The following MACROD2 variants were observed in gnomAD, a reference collection of about 807,000 sequenced individuals.
MACROD2 encodes the protein mono-ADP ribosylhydrolase 2.
A neutral mutation model predicts 70.4 loss-of-function variants in MACROD2; 36 were observed. The ratio of observed to expected loss-of-function variants is 0.51; its 90% CI spans 0.39 to 0.68. The LOEUF is 0.68. Ranked by LOEUF, MACROD2 falls within the 30% of genes least tolerant of loss-of-function variation. MACROD2 has a pLI of 0.00. For missense variants in MACROD2, 496 were observed against 538.4 expected (o/e 0.92, Z 0.78); for synonymous variants, 172 against 178.8 (o/e 0.96, Z 0.30).
chr20:15,450,123 TG>T (rs1196617368), intron 7 of MACROD2, among the ~76,000 whole-genome samples: 1 of 152,174 alleles, frequency 6.6e-6, no homozygotes, highest in Non-Finnish European at 1.5e-5. Context: ...TATACCTGTA[TG>T]TCTATACAAG....
intron 8 of MACROD2, among the ~76,000 whole-genome samples, chr20:15,643,894 C>T (rs6034241): frequency 0.088 from 13,372 of 152,168 alleles, 850 homozygotes; most frequent in East Asian, 0.16. Flanking sequence ...ACCATCCTCA[C>T]GGTCTTAAGA....
At chr20:14,407,856 T>C (rs2083708153) in intron 3 of MACROD2, among the ~76,000 whole-genome samples, 1 of 152,224 alleles carries the variant, frequency 6.6e-6, no homozygotes, top group Non-Finnish European at 1.5e-5. Flanking sequence ...TTGCTCTTTC[T>C]TCACATTTCT....
At chr20:14,489,054 A>G (rs1319089709) in intron 3 of MACROD2, among the ~76,000 whole-genome samples, 1 of 152,234 alleles carries the variant, frequency 6.6e-6, no homozygotes, top group Non-Finnish European at 1.5e-5. Context: ...TACAAACAAC[A>G]CAGATACTGG....
At chr20:14,302,249 T>C (rs1053976538) in intron 3 of MACROD2, among the ~76,000 whole-genome samples, 8 of 152,288 alleles carry the variant, frequency 5.3e-5, no homozygotes, top group Admixed American at 3.3e-4. Flanking sequence ...TTCCTTGTGG[T>C]TGTTGGACTG....
chr20:14,629,257 G>A (rs1368368220), intron 4 of MACROD2, among the ~76,000 whole-genome samples: 2 of 152,150 alleles, frequency 1.3e-5, no homozygotes, highest in East Asian at 3.8e-4. Flanking sequence ...GGTTAGTTAA[G>A]TAAGAAATGC....
chr20:14,072,803 G>A (rs760672244), intron 2 of MACROD2, among the ~76,000 whole-genome samples: 4 of 151,830 alleles, frequency 2.6e-5, no homozygotes, highest in African/African-American at 7.3e-5. Flanking sequence ...GCGTGGTGGC[G>A]GACGCCTATA....
rs547120171 is a variant in MACROD2, at chr20:15,523,098, G to A, written c.645+23251G>A. 2.4e-4 allele frequency among the ~76,000 whole-genome samples: 36 copies of A among 152,148 alleles called. No homozygotes were observed. The South Asian group carries it at 6.3e-3, about 26-fold the overall frequency. The stretch of plus-strand genomic sequence containing the variant: ...AAACTGGATCATTTGGGAGAGAAGC[G>A]CAACAAAACCAGCCATCTATGGCAG... On this transcript the variant is annotated intron_variant, in intron 8 of 17. Coordinates refer to ENST00000684519, the MANE Select transcript of MACROD2 (RefSeq NM_001351661.2).
intron 8 of MACROD2, among the ~76,000 whole-genome samples, chr20:15,715,753 G>A (rs1415982518): frequency 6.6e-6 from 1 of 152,096 alleles, no homozygotes; most frequent in Admixed American, 6.6e-5. Flanking sequence ...TAATTGGAAC[G>A]AGTACAATGT....
intron 6 of MACROD2, among the ~76,000 whole-genome samples, chr20:15,398,295 A>AT (rs995581250): frequency 6.6e-6 from 1 of 152,148 alleles, no homozygotes; most frequent in Non-Finnish European, 1.5e-5. Context: ...CATTCTCTTG[A>AT]TTTTTTATAG....
At chr20:15,703,484 A>G (rs111929885) in intron 8 of MACROD2, among the ~76,000 whole-genome samples, 3 of 152,310 alleles carry the variant, frequency 2.0e-5, no homozygotes, top group African/African-American at 7.2e-5. Context: ...TAAACTCTCC[A>G]CTAAAGCCAC....
intron 4 of MACROD2, among the ~76,000 whole-genome samples, chr20:14,587,068 A>C (rs1463030000): frequency 6.6e-6 from 1 of 151,958 alleles, no homozygotes; most frequent in Non-Finnish European, 1.5e-5. Context: ...ATTATTCACT[A>C]ACAACACAGG....
At chr20:14,826,530 C>CTAATAGTCTA (rs2072904775) in intron 5 of MACROD2, among the ~76,000 whole-genome samples, 1 of 152,004 alleles carries the variant, frequency 6.6e-6, no homozygotes, top group Non-Finnish European at 1.5e-5. Flanking sequence ...ACTCCAGACC[C>CTAATAGTCTA]TAATAGTCTA....
chr20:14,236,547 A>T (rs2081873689), intron 3 of MACROD2, among the ~76,000 whole-genome samples: 1 of 152,152 alleles, frequency 6.6e-6, no homozygotes, highest in South Asian at 2.1e-4. Flanking sequence ...TGAAAGAATC[A>T]AATTAACAAA....
chr20:14,982,878 T>A (rs992187659), intron 5 of MACROD2, among the ~76,000 whole-genome samples: 1 of 152,018 alleles, frequency 6.6e-6, no homozygotes, highest in African/African-American at 2.4e-5. Flanking sequence ...GAGAAGAGGA[T>A]CACTATCCTC....
chr20:14,316,397 T>G (rs911774628), intron 3 of MACROD2, among the ~76,000 whole-genome samples: 3 of 152,156 alleles, frequency 2.0e-5, no homozygotes, highest in South Asian at 2.1e-4. Context: ...AAATAATCTT[T>G]TTTTCTTGAC....
At chr20:15,297,441 A>T (rs2077600852) in intron 6 of MACROD2, among the ~76,000 whole-genome samples, 1 of 152,192 alleles carries the variant, frequency 6.6e-6, no homozygotes, top group African/African-American at 2.4e-5. Context: ...GATCACAAAA[A>T]TCAATAGAGA....
At chr20:14,963,713 A>G (rs1391889789) in intron 5 of MACROD2, among the ~76,000 whole-genome samples, 1 of 152,212 alleles carries the variant, frequency 6.6e-6, no homozygotes, top group Non-Finnish European at 1.5e-5. Context: ...TGAACTAGAA[A>G]ATAGCTTTTC....
rs530301677 is a variant in MACROD2, at chr20:13,995,597, G to A, written c.-167G>A. The A allele has an allele frequency of 2.1e-4, 150 of 712,730 alleles. No homozygotes were observed. In the African/African-American group the frequency reaches 2.2e-3, roughly 11 times the overall value. The allele number at this position is 712,730 out of a possible 1,614,324, so 44.2% of individuals were successfully genotyped here. A position where few individuals can be genotyped will look rare whatever the true frequency, so the allele number is the denominator to read the frequency against. ...CGGAGCCGAGCGCGGGCTGAGGGAG[G>A]AGGGCGGCGACTGGAGAGCGGCGAG... On this transcript the variant is annotated 5_prime_UTR_variant, in exon 1 of 18. Transcript: ENST00000684519. This position sits in a 1 kb window ranked among gnomAD's most constrained non-coding sequence, Gnocchi z 4.3.
intron 7 of MACROD2, among the ~76,000 whole-genome samples, chr20:15,459,420 G>A (rs943510454): frequency 6.6e-6 from 1 of 152,060 alleles, no homozygotes; most frequent in African/African-American, 2.4e-5. Flanking sequence ...ATCTGAAACA[G>A]CTTCTTAATA....
Sources: gnomAD v4.1 joint callset for allele counts (sites outside exome capture counted in the v4.1 genomes callset) on GRCh38, gnomAD v4.1.1 for gene constraint, Gnocchi (gnomAD v3.1) non-coding constraint, MANE v1.5 for transcripts, NCBI Gene and HGNC (gene_info 2026-07-23, HGNC 2026-07-21) for gene names.